The following DESI2 variants were observed in gnomAD, a reference collection of about 807,000 sequenced individuals.
DESI2 encodes the protein deubiquitinase DESI2.
A neutral mutation model predicts 24.1 loss-of-function variants in DESI2; 10 were observed. That is an observed-to-expected ratio of 0.41 (90% CI 0.26 to 0.70). The LOEUF (loss-of-function observed/expected upper bound fraction) is 0.70. Among genes scored for constraint, DESI2 ranks in the 30% least tolerant of loss-of-function variants. The pLI, the probability that DESI2 is intolerant of heterozygous loss-of-function variation, is 0.29. For missense variants in DESI2, 122 were observed against 234.9 expected (o/e 0.52, Z 3.14); for synonymous variants, 71 against 87.7 (o/e 0.81, Z 1.06).
intron 4 of DESI2, among the ~76,000 whole-genome samples, 196 bp from the exon 5 acceptor site, chr1:244,705,360 A>G (rs115206861): frequency 2.1e-3 from 323 of 152,262 alleles, no homozygotes; most frequent in African/African-American, 7.4e-3. Flanking sequence ...AAAGGAAGGA[A>G]TGGAGCCAAC....
intron 1 of DESI2, among the ~76,000 whole-genome samples, chr1:244,675,693 A>T (rs1405134461): frequency 5.3e-5 from 8 of 152,208 alleles, no homozygotes; most frequent in South Asian, 2.1e-4. Flanking sequence ...TCTGTGCTAA[A>T]TGTTGAAATC....
chr1:244,691,163 A>G (rs533310493), intron 3 of DESI2, among the ~76,000 whole-genome samples: 2 of 152,234 alleles, frequency 1.3e-5, no homozygotes, highest in Admixed American at 1.3e-4. Flanking sequence ...ATCTCGGCTC[A>G]CTGCAACCTC....
chr1:244,698,465 TAGAA>T (rs1428359463), intron 4 of DESI2, among the ~76,000 whole-genome samples: 1 of 152,236 alleles, frequency 6.6e-6, no homozygotes, highest in Non-Finnish European at 1.5e-5. Context: ...GAGTGGGTCT[TAGAA>T]AGCACTTAGG....
chr1:244,664,993 T>TA, intron 1 of DESI2, among the ~76,000 whole-genome samples: 1 of 152,212 alleles, frequency 6.6e-6, no homozygotes, highest in Non-Finnish European at 1.5e-5. Flanking sequence ...TTGTGGCACA[T>TA]ACTATGTTTA....
chr1:244,690,257 C>A (rs1318117856), intron 3 of DESI2, among the ~76,000 whole-genome samples: 3 of 152,150 alleles, frequency 2.0e-5, no homozygotes, highest in Non-Finnish European at 4.4e-5. Context: ...GTGTGATGTT[C>A]CCCGCCCTGT....
intron 1 of DESI2, among the ~76,000 whole-genome samples, chr1:244,655,210 A>G (rs997135513): frequency 2.6e-5 from 4 of 152,246 alleles, no homozygotes. Flanking sequence ...TTTGTAAAAT[A>G]GGTAGTTAGA....
rs1444441504 is a variant in DESI2 at position 244,708,286 on chromosome 1, C to CTGTT, written c.*2500_*2503dup. The CTGTT allele has an allele frequency of 6.6e-6, 1 of 152,570 alleles. No individual in the cohort carries two copies. 9.5% of individuals were successfully genotyped at this position (152,570 alleles called of 1,614,324 possible). A position where few individuals can be genotyped will look rare whatever the true frequency, so the allele number is the denominator to read the frequency against. ...GAGGGTCAGAAGCTTCTGGTTTCTGCTGTTTGCTTTAAATACCCTTGGGGT... is the reference window on the plus strand; with the variant it reads ...GAGGGTCAGAAGCTTCTGGTTTCTGCTGTTTGTTTGCTTTAAATACCCTTGGGGT... On this transcript the variant is annotated 3_prime_UTR_variant, in exon 5 of 5. Transcript: ENST00000302550.
At chr1:244,686,520 G>T in intron 1 of DESI2, 77 bp from the exon 2 acceptor site, 2 of 879,676 alleles carry the variant, frequency 2.3e-6, no homozygotes, top group South Asian at 1.4e-5. Flanking sequence ...AAAGACTGGG[G>T]AGCAGTCACT....
In DESI2 at chr1:244,689,984, A is replaced by G. The variant is rs1486363639; in HGVS notation, c.209+642A>G. Among the ~76,000 whole-genome samples the G allele has an allele frequency of 3.3e-5, 5 of 152,264 alleles. No individual in the cohort carries two copies. The highest frequency in any genetic ancestry group is 5.9e-5 in the Non-Finnish European group (4 of 68,040). ...TTAGCGTAGAATCCATTGTTAAGGT[A>G]CATGTATTACATGTAATGATAAACC... On this transcript the variant is annotated intron_variant, in intron 3 of 4. Transcript: ENST00000302550. The surrounding 1 kb of genome is among the most constrained non-coding windows in gnomAD (Gnocchi z 4.0).
At chr1:244,659,427 G>C (rs1675761523) in intron 1 of DESI2, among the ~76,000 whole-genome samples, 1 of 152,152 alleles carries the variant, frequency 6.6e-6, no homozygotes, top group South Asian at 2.1e-4. Flanking sequence ...GGGCAAATCT[G>C]CTTCCAAGCT....
At chr1:244,683,586 C>A (rs1437185584) in intron 1 of DESI2, among the ~76,000 whole-genome samples, 1 of 152,194 alleles carries the variant, frequency 6.6e-6, no homozygotes, top group Admixed American at 6.5e-5. Context: ...GCTGGGATTA[C>A]AGGCGTGAGC....
chr1:244,659,579 ATCCT>A (rs1359564489), intron 1 of DESI2, among the ~76,000 whole-genome samples: 1 of 152,174 alleles, frequency 6.6e-6, no homozygotes, highest in East Asian at 1.9e-4. Flanking sequence ...GGTGTGTGGA[ATCCT>A]TATGCTTCAA....
Position 244,701,940 on chromosome 1 carries a change from C to A in DESI2, c.352-3616C>A, listed in dbSNP as rs938983310. Among the ~76,000 whole-genome samples the A allele has an allele frequency of 2.0e-5, 3 of 152,250 alleles. No homozygotes were observed. The East Asian group carries it at 5.8e-4, about 29-fold the overall frequency. On this transcript the variant is annotated intron_variant, in intron 4 of 4. Coordinates refer to ENST00000302550, the MANE Select transcript of DESI2 (RefSeq NM_016076.5). Reference sequence around the variant, plus strand: ...GTAATGAATAACCCTGTACATACATCTTTTTATTTTTACCACTATATGTGT... The same window carrying A: ...GTAATGAATAACCCTGTACATACATATTTTTATTTTTACCACTATATGTGT...
At chr1:244,683,374 T>C (rs372363668) in intron 1 of DESI2, among the ~76,000 whole-genome samples, 43 of 152,006 alleles carry the variant, frequency 2.8e-4, no homozygotes, top group Middle Eastern at 3.4e-3. Context: ...TGCAGTGGCG[T>C]GATCTCGGCT....
chr1:244,683,492 C>T (rs2806616), intron 1 of DESI2, among the ~76,000 whole-genome samples: 145,700 of 152,026 alleles, frequency 0.96, 70,134 homozygotes, highest in East Asian at 1. Context: ...TTTGTATTTT[C>T]AGTAGAGACA....
chr1:244,653,784 C>T (rs1675548637), intron 1 of DESI2: 2 of 367,904 alleles, frequency 5.4e-6, no homozygotes, highest in Admixed American at 3.7e-5. Flanking sequence ...GTCCGTCTCT[C>T]TCCATGGCTA....
intron 3 of DESI2, among the ~76,000 whole-genome samples, chr1:244,691,536 A>G (rs1287700682): frequency 6.6e-6 from 1 of 152,270 alleles, no homozygotes; most frequent in Non-Finnish European, 1.5e-5. Flanking sequence ...TATTTGCAGC[A>G]TGGATCTGGT....
intron 1 of DESI2, among the ~76,000 whole-genome samples, chr1:244,679,315 T>C (rs1676520735): frequency 1.3e-5 from 2 of 152,192 alleles, no homozygotes; most frequent in Non-Finnish European, 2.9e-5. Context: ...TAGAAATGCA[T>C]CTCTTGTAAG....
At position 244,689,147 on chromosome 1, in the gene DESI2, T is replaced by C; in HGVS notation, c.116-102T>C. 1 of 658,656 alleles carries C rather than the reference T, an allele frequency of 1.5e-6. No individual in the cohort carries two copies. The highest frequency in any genetic ancestry group is 2.5e-5 in the Admixed American group (1 of 39,354). The allele number at this position is 658,656 out of a possible 1,614,324, so 40.8% of individuals were successfully genotyped here. A position where few individuals can be genotyped will look rare whatever the true frequency, so the allele number is the denominator to read the frequency against. On this transcript the variant is annotated intron_variant, in intron 2 of 4. Transcript: ENST00000302550. This position sits in a 1 kb window ranked among gnomAD's most constrained non-coding sequence, Gnocchi z 4.0. ...AAAGCATTTTATAAACTGAAAAATA[T>C]TTAGATGGTGTCACTGTTATCCTCA... is the stretch of plus-strand genomic sequence containing the variant.
Sources: gnomAD v4.1 joint callset for allele counts (sites outside exome capture counted in the v4.1 genomes callset) on GRCh38, gnomAD v4.1.1 for gene constraint, Gnocchi (gnomAD v3.1) non-coding constraint, MANE v1.5 for transcripts, NCBI Gene and HGNC (gene_info 2026-07-23, HGNC 2026-07-21) for gene names.